DCAF12: variants seen among roughly 807,000 people sequenced by gnomAD.
DCAF12 encodes the protein DDB1- and CUL4-associated factor 12.
A neutral mutation model predicts 52.8 loss-of-function variants in DCAF12; 28 were observed. The observed-to-expected ratio is 0.53, with a 90% CI of 0.39 to 0.73. DCAF12 has a LOEUF of 0.73. DCAF12 is among the 30% of genes least tolerant of loss of function. The pLI is 0.00. For missense variants in DCAF12, 425 were observed against 552.2 expected (o/e 0.77, Z 2.31); for synonymous variants, 196 against 215.5 (o/e 0.91, Z 0.79).
At chr9:34,103,826 G>A (rs926363206) in intron 4 of DCAF12, among the ~76,000 whole-genome samples, 3 of 152,154 alleles carry the variant, frequency 2.0e-5, no homozygotes, top group African/African-American at 4.8e-5. Context: ...ACATAACAGA[G>A]TGAGACCCTG....
chr9:34,101,764 C>G (rs989472701), intron 4 of DCAF12, among the ~76,000 whole-genome samples: 1 of 151,818 alleles, frequency 6.6e-6, no homozygotes, highest in African/African-American at 2.4e-5. Context: ...CCTGTAATCC[C>G]AGCAACTTGG....
intron 7 of DCAF12, among the ~76,000 whole-genome samples, chr9:34,090,301 T>G (rs1828624087): frequency 6.6e-6 from 1 of 152,062 alleles, no homozygotes; most frequent in Non-Finnish European, 1.5e-5. Flanking sequence ...TGACCTCAAG[T>G]GATCCACCTT....
chr9:34,108,274 A>G (rs1338130807), intron 2 of DCAF12, among the ~76,000 whole-genome samples: 1 of 152,222 alleles, frequency 6.6e-6, no homozygotes, highest in Non-Finnish European at 1.5e-5. Flanking sequence ...ATTCCTTCGG[A>G]CACTCACTTA....
chr9:34,125,475 A>G (rs1829234399), intron 1 of DCAF12, 198 bp from the exon 2 acceptor site: 2 of 667,126 alleles, frequency 3.0e-6, no homozygotes, highest in Admixed American at 5.5e-5. Flanking sequence ...CTCACAGTCA[A>G]ACTTACCAAT....
chr9:34,119,865 C>CT (rs1424856865), intron 2 of DCAF12, among the ~76,000 whole-genome samples: 2 of 151,940 alleles, frequency 1.3e-5, no homozygotes, highest in Non-Finnish European at 2.9e-5. Flanking sequence ...CCATGCCCAG[C>CT]TAATTCTTAA....
At chr9:34,122,417 CCTT>C (rs1829189020) in intron 2 of DCAF12, among the ~76,000 whole-genome samples, 1 of 151,914 alleles carries the variant, frequency 6.6e-6, no homozygotes, top group Admixed American at 6.6e-5. Context: ...CAAATCTGTT[CCTT>C]AACATTCACC....
intron 5 of DCAF12, among the ~76,000 whole-genome samples, chr9:34,097,524 G>A (rs1278737659): frequency 6.6e-6 from 1 of 152,010 alleles, no homozygotes; most frequent in Non-Finnish European, 1.5e-5. Context: ...CGAAAGTGCA[G>A]GGATTACAGG....
rs1002915310 is a variant in DCAF12, at chr9:34,101,733, T to A, written c.602-3216A>T. Among the ~76,000 whole-genome samples the A allele has an allele frequency of 2.0e-5, 3 of 151,922 alleles. No homozygotes were observed. In the East Asian group the frequency reaches 5.8e-4, roughly 29 times the overall value. ...AGAATGACTGTTCTAGACCGTTCTT[T>A]ATTAAGAATTACTGCTCACACCTGT... On this transcript the variant is annotated intron_variant, in intron 4 of 8. Transcript: ENST00000361264.
At chr9:34,106,816 T>C (rs1828911302) in intron 3 of DCAF12, among the ~76,000 whole-genome samples, 1 of 152,154 alleles carries the variant, frequency 6.6e-6, no homozygotes, top group African/African-American at 2.4e-5. Context: ...TACCCTCATT[T>C]CCTTTAAGTC....
rs1828707848 is a variant in DCAF12, at chr9:34,094,764, TTG to T, written c.862-1318_862-1317del. On this transcript the variant is annotated intron_variant, in intron 6 of 8. Transcript: ENST00000361264. ...CCAGGATGGTCTCAATCTCCTGACC[TTG>T]CGATCCGCCCACCTTGGCCTCCCAA... Among the ~76,000 whole-genome samples, 19 of 152,072 alleles carry T rather than the reference TTG, an allele frequency of 1.2e-4. No homozygotes were observed. The South Asian group carries it at 3.9e-3, about 32-fold the overall frequency.
intron 2 of DCAF12, among the ~76,000 whole-genome samples, chr9:34,108,669 T>C (rs556258033): frequency 9.7e-4 from 147 of 151,700 alleles, no homozygotes; most frequent in African/African-American, 3.4e-3. Flanking sequence ...GCCTGTAATC[T>C]CAGCTACTCG....
At chr9:34,112,203 T>C (rs1225050101) in intron 2 of DCAF12, among the ~76,000 whole-genome samples, 2 of 151,970 alleles carry the variant, frequency 1.3e-5, no homozygotes, top group African/African-American at 4.8e-5. Flanking sequence ...TTTCAATTCC[T>C]GTTTCCACTT....
Position 34,112,674 on chromosome 9 carries a change from G to A in DCAF12, c.334-5109C>T, listed in dbSNP as rs7032075. Among the ~76,000 whole-genome samples, 1,180 of 152,068 alleles carry A rather than the reference G, an allele frequency of 7.8e-3. 13 individuals carry two copies. Among genetic ancestry groups the A allele is most frequent in the African/African-American group, 0.027 (1,115 of 41,478 alleles). On this transcript the variant is annotated intron_variant, in intron 2 of 8. Coordinates refer to ENST00000361264, the MANE Select transcript of DCAF12 (RefSeq NM_015397.4). ...AGTACTTTGGGAGGCCGAGGAGGGC[G>A]GATCATCTGAGGTTGGGAGTTCGAG... is the stretch of plus-strand genomic sequence containing the variant.
chr9:34,100,017 C>T (rs1828801591), intron 4 of DCAF12, among the ~76,000 whole-genome samples: 2 of 151,948 alleles, frequency 1.3e-5, no homozygotes, highest in Admixed American at 1.3e-4. Context: ...CTTTTTTGAG[C>T]CTTGGACCCC....
In DCAF12 at chr9:34,107,627, A is replaced by C. The variant is rs892819538; in HGVS notation, c.334-62T>G. 2.1e-6 allele frequency: 3 copies of C among 1,417,252 alleles called. No homozygotes were observed. The African/African-American group carries it at 4.2e-5, about 20-fold the overall frequency. The allele number at this position is 1,417,252 out of a possible 1,614,324, so 87.8% of individuals were successfully genotyped here. A position where few individuals can be genotyped will look rare whatever the true frequency, so the allele number is the denominator to read the frequency against. On this transcript the variant is annotated intron_variant, in intron 2 of 8. Transcript: ENST00000361264. ...TTTAACGTGGCCAATACAGGGTATAAACATCCTTTTGTTCAACTGTTCATC... is the reference window on the plus strand; with the variant it reads ...TTTAACGTGGCCAATACAGGGTATACACATCCTTTTGTTCAACTGTTCATC...
rs768288853 is a variant in DCAF12 at position 34,125,304 on chromosome 9, G to T, written c.79-27C>A. ...TGTGGAAACAACATTAGAAATCAGG[G>T]CTTTGGCTACTCTTCTTCAGAACAG... On this transcript the variant is annotated intron_variant, in intron 1 of 8. Coordinates refer to ENST00000361264, the MANE Select transcript of DCAF12 (RefSeq NM_015397.4). 6 of 1,611,200 alleles carry T rather than the reference G, an allele frequency of 3.7e-6. No individual in the cohort carries two copies. The Admixed American group carries it at 5.0e-5, about 14-fold the overall frequency.
At chr9:34,116,761 A>G (rs1274325429) in intron 2 of DCAF12, among the ~76,000 whole-genome samples, 6 of 152,128 alleles carry the variant, frequency 3.9e-5, no homozygotes, top group Admixed American at 3.9e-4. Flanking sequence ...GGGGCAGATC[A>G]CTCTAGGTCA....
chr9:34,126,532 A>G lies in DCAF12; in HGVS notation c.-101T>C, dbSNP rs573545210. On this transcript the variant is annotated 5_prime_UTR_variant, in exon 1 of 9. Transcript: ENST00000361264. Reference sequence around the variant, plus strand: ...ACTGGGCCCCGGGGCCGCGCACCTTAGTGCGCCCGGCCCGGAAAATGGCCC... The same window carrying G: ...ACTGGGCCCCGGGGCCGCGCACCTTGGTGCGCCCGGCCCGGAAAATGGCCC... The G allele has an allele frequency of 2.3e-5, 30 of 1,324,208 alleles. No individual in the cohort carries two copies. The South Asian group carries it at 3.6e-4, about 16-fold the overall frequency. 82.0% of individuals were successfully genotyped at this position (1,324,208 alleles called of 1,614,324 possible).
chr9:34,092,918 T>A (rs1828668441), intron 7 of DCAF12, among the ~76,000 whole-genome samples: 1 of 151,858 alleles, frequency 6.6e-6, no homozygotes, highest in Non-Finnish European at 1.5e-5. Flanking sequence ...CGATCTCAGC[T>A]CACCGCAACC....
Sources: gnomAD v4.1 joint callset for allele counts (sites outside exome capture counted in the v4.1 genomes callset) on GRCh38, gnomAD v4.1.1 for gene constraint, MANE v1.5 for transcripts, NCBI Gene and HGNC (gene_info 2026-07-23, HGNC 2026-07-21) for gene names.